The following HDAC9 variants were observed in gnomAD, a reference collection of about 807,000 sequenced individuals.
The protein encoded by HDAC9 is histone deacetylase 9.
HDAC9 carries 41 observed loss-of-function variants against 139.4 expected under a neutral mutation model. The observed-to-expected ratio is 0.29, with a 90% CI of 0.23 to 0.38. The LOEUF (loss-of-function observed/expected upper bound fraction) is 0.38, where lower values mean the gene tolerates loss of function less well. HDAC9 is among the 10% of genes least tolerant of loss of function. The pLI, the probability that HDAC9 is intolerant of heterozygous loss-of-function variation, is 1.00. For missense variants in HDAC9, 1,147 were observed against 1,297.0 expected (o/e 0.88, Z 1.78); for synonymous variants, 517 against 476.2 (o/e 1.09, Z -1.12).
At chr7:18,091,712 T>C (rs918367711) in intron 1 of HDAC9, among the ~76,000 whole-genome samples, 1 of 152,154 alleles carries the variant, frequency 6.6e-6, no homozygotes, top group African/African-American at 2.4e-5. Flanking sequence ...TCTTCTCCCA[T>C]GTTGGCTAGG....
intron 1 of HDAC9, among the ~76,000 whole-genome samples, chr7:18,088,689 A>G (rs1781952256): frequency 6.6e-6 from 1 of 152,102 alleles, no homozygotes; most frequent in Non-Finnish European, 1.5e-5. Context: ...GTGACTGAAA[A>G]TTTGTTGTTT....
intron 2 of HDAC9, among the ~76,000 whole-genome samples, chr7:18,558,555 G>A (rs989824818): frequency 6.6e-6 from 1 of 152,146 alleles, no homozygotes; most frequent in African/African-American, 2.4e-5. Flanking sequence ...ATAATGCCAA[G>A]ATGATAAATA....
rs879803900 is a variant in HDAC9, at chr7:18,484,332, TA to T, written c.-41-11917del. On this transcript the variant is annotated intron_variant, in intron 1 of 3. Transcript: ENST00000413509. ...CCTGGGTGACAGAGCAAGATCCTAT[TA>T]AAAAAAAAAAAAGTAAATGTCTATA... Among the ~76,000 whole-genome samples the T allele has an allele frequency of 7.9e-3, 1,120 of 141,110 alleles. 5 individuals carry two copies. The highest frequency in any genetic ancestry group is 0.017 in the African/African-American group (676 of 38,704). 92.6% of individuals were successfully genotyped at this position (141,110 alleles called of 152,430 possible). A position where few individuals can be genotyped will look rare whatever the true frequency, so the allele number is the denominator to read the frequency against.
At chr7:18,316,495 C>T (rs948935290) in intron 1 of HDAC9, among the ~76,000 whole-genome samples, 1 of 151,906 alleles carries the variant, frequency 6.6e-6, no homozygotes, top group African/African-American at 2.4e-5. Flanking sequence ...GAATAAGATT[C>T]CATTAAAAAT....
At chr7:18,862,265 G>T (rs1442259241) in intron 21 of HDAC9, among the ~76,000 whole-genome samples, 19 of 152,146 alleles carry the variant, frequency 1.2e-4, no homozygotes, top group Admixed American at 1.2e-3. Context: ...AAATGCAAGA[G>T]AAAGAGAATG....
At chr7:18,426,820 A>G (rs2128757167) in intron 1 of HDAC9, among the ~76,000 whole-genome samples, 1 of 152,340 alleles carries the variant, frequency 6.6e-6, no homozygotes, top group South Asian at 2.1e-4. Context: ...TCCAGAGAAC[A>G]CTAGACTCAG....
rs1219786867 is a variant in HDAC9, at chr7:18,087,331, G to A, written c.-97+118G>A. 2.6e-5 allele frequency: 4 copies of A among 152,288 alleles called. No individual in the cohort carries two copies. The East Asian group carries it at 7.8e-4, about 30-fold the overall frequency. The allele number at this position is 152,288 out of a possible 1,614,324, so 9.4% of individuals were successfully genotyped here. On this transcript the variant is annotated intron_variant, in intron 1 of 12. Transcript: ENST00000417496. Reference sequence around the variant, plus strand: ...CCTTCTCGGGTTCCGCAGGTTAACAGCATCTCAGTCCGGACTCTGATGCCA... The same window carrying A: ...CCTTCTCGGGTTCCGCAGGTTAACAACATCTCAGTCCGGACTCTGATGCCA...
chr7:18,695,349 T>G (rs1218611429), intron 12 of HDAC9, among the ~76,000 whole-genome samples: 1 of 152,204 alleles, frequency 6.6e-6, no homozygotes, highest in African/African-American at 2.4e-5. Context: ...ATGTTGTGTT[T>G]CCCTATCTTT....
intron 2 of HDAC9, among the ~76,000 whole-genome samples, chr7:18,245,644 T>C (rs181956933): frequency 6.6e-6 from 1 of 152,304 alleles, no homozygotes; most frequent in East Asian, 1.9e-4. Context: ...TGTTACTTTT[T>C]GGGAGATGTG....
chr7:18,348,453 G>GCA (rs1782590884), intron 1 of HDAC9, among the ~76,000 whole-genome samples: 1 of 152,046 alleles, frequency 6.6e-6, no homozygotes, highest in African/African-American at 2.4e-5. Flanking sequence ...TTTTTGGGAA[G>GCA]GTTCAATTAG....
intron 1 of HDAC9, among the ~76,000 whole-genome samples, chr7:18,148,324 A>G (rs1017679306): frequency 6.6e-5 from 10 of 152,208 alleles, no homozygotes; most frequent in Admixed American, 2.0e-4. Context: ...GAGAGTGCTC[A>G]CATTCCTTGG....
intron 1 of HDAC9, among the ~76,000 whole-genome samples, chr7:18,426,460 A>G (rs1168350397): frequency 6.6e-6 from 1 of 152,178 alleles, no homozygotes; most frequent in Non-Finnish European, 1.5e-5. Flanking sequence ...TAGCTATATA[A>G]TTTACAATTG....
intron 2 of HDAC9, among the ~76,000 whole-genome samples, chr7:18,274,463 T>G (rs766734056): frequency 1.3e-5 from 2 of 152,042 alleles, no homozygotes; most frequent in Non-Finnish European, 2.9e-5. Flanking sequence ...GGCCAAGAAC[T>G]CACTCACCCC....
intron 25 of HDAC9, among the ~76,000 whole-genome samples, chr7:18,985,379 T>G (rs571988581): frequency 2.4e-4 from 36 of 152,332 alleles, no homozygotes; most frequent in African/African-American, 8.4e-4. Flanking sequence ...TTCATCCATG[T>G]CCATACAAAG....
intron 10 of HDAC9, 82 bp from the exon 11 acceptor site, chr7:18,648,384 C>G: frequency 8.3e-7 from 1 of 1,207,752 alleles, no homozygotes; most frequent in Non-Finnish European, 1.2e-6. Context: ...GGCTTCTTAT[C>G]TTTTCTTAAA....
intron 1 of HDAC9, among the ~76,000 whole-genome samples, chr7:18,401,493 A>G (rs946288482): frequency 2.6e-5 from 4 of 152,172 alleles, no homozygotes; most frequent in African/African-American, 7.2e-5. Context: ...GTCCCTTTCA[A>G]TCATAAAGTG....
At chr7:18,823,868 G>A (rs951736530) in intron 17 of HDAC9, among the ~76,000 whole-genome samples, 2 of 151,712 alleles carry the variant, frequency 1.3e-5, no homozygotes, top group African/African-American at 4.8e-5. Context: ...AGCCCCAGCT[G>A]CTCTGGAGGC....
intron 21 of HDAC9, among the ~76,000 whole-genome samples, chr7:18,867,792 A>T (rs78990386): frequency 2.6e-5 from 4 of 152,064 alleles, no homozygotes; most frequent in African/African-American, 9.7e-5. Context: ...AGGGACTCCT[A>T]TTATTTAAAT....
At chr7:18,250,950 G>A (rs1214971058) in intron 2 of HDAC9, among the ~76,000 whole-genome samples, 2 of 151,650 alleles carry the variant, frequency 1.3e-5, no homozygotes, top group South Asian at 2.1e-4. Context: ...ATGTCCTTTG[G>A]CCTCTTTTTA....
Sources: allele counts gnomAD v4.1 joint callset (sites outside exome capture counted in the v4.1 genomes callset), GRCh38; gene constraint gnomAD v4.1.1; transcripts MANE v1.5; gene names NCBI Gene and HGNC (gene_info 2026-07-23, HGNC 2026-07-21).